Variants in LONRF3 observed in about 807,000 individuals in gnomAD.
LONRF3 encodes LON peptidase N-terminal domain and RING finger protein 3.
Under a neutral mutation model 51.7 loss-of-function variants are expected in LONRF3, and 19 were observed. The observed-to-expected ratio is 0.37, with a 90% CI of 0.26 to 0.54. The LOEUF is 0.54. Among genes scored for constraint, LONRF3 ranks in the 20% least tolerant of loss-of-function variants. LONRF3 has a pLI of 0.86. For synonymous variants in LONRF3, 265 were observed against 257.8 expected, an observed-to-expected ratio of 1.03 and a Z score of -0.27; for missense variants, 521 against 623.9, an observed-to-expected ratio of 0.84 and a Z score of 1.76.
chrX:119,005,430 G>GTA lies in LONRF3; in HGVS notation c.1416-683_1416-682dup, dbSNP rs371840341. Among the ~76,000 whole-genome samples, 255 of 111,823 alleles carry GTA rather than the reference G, an allele frequency of 2.3e-3. 3 individuals carry two copies. The highest frequency in any genetic ancestry group is 8.0e-3 in the African/African-American group (246 of 30,733). ...TAGTACCAAATTGAAGTATATGTAT[G>GTA]TATATATATGTATGTACACATGTAA... On this transcript the variant is annotated intron_variant, in intron 5 of 10. Transcript: ENST00000371628.
At chrX:119,006,313 A>C in intron 6 of LONRF3, 78 bp downstream of exon 6, 1 of 727,597 alleles carries the variant, frequency 1.4e-6, no homozygotes, top group Non-Finnish European at 2.0e-6. Flanking sequence ...GGAATTGGGC[A>C]CTAAGACAGT....
chrX:119,017,630 A>G lies in LONRF3; in HGVS notation c.2220A>G (p.Leu740=), dbSNP rs372626612. 114 of 1,209,047 alleles carry G rather than the reference A, an allele frequency of 9.4e-5. No homozygotes were observed. Among genetic ancestry groups the G allele is most frequent in the Middle Eastern group, 6.9e-4 (3 of 4,350 alleles). The change falls in exon 11 of 11, where the codon TTA becomes TTG. Residue 740 remains leucine, a synonymous_variant. Coordinates refer to ENST00000371628, the MANE Select transcript of LONRF3 (RefSeq NM_001031855.3). ...TCCCCTTCCTAGCAATGAGGTCCTTAAAGGACAGACTGAATGGTATTCGAC... is the reference window on the plus strand; with the variant it reads ...TCCCCTTCCTAGCAATGAGGTCCTTGAAGGACAGACTGAATGGTATTCGAC... The part of the protein sequence containing the change: ...AQLPFLAMRS[L]KDRLNGIRRV...
chrX:118,981,616 C>G (rs1397374724), intron 2 of LONRF3, among the ~76,000 whole-genome samples: 1 of 111,470 alleles, frequency 9.0e-6, no homozygotes, highest in African/African-American at 3.3e-5. Context: ...CTTTCCCAAA[C>G]ACCCTTGGTA....
Position 119,012,842 on chromosome X carries a change from T to A in LONRF3, c.1812-197T>A, listed in dbSNP as rs773618387. 7.3e-6 allele frequency: 8 copies of A among 1,098,693 alleles called. No homozygotes were observed. The African/African-American group carries it at 1.4e-4, about 20-fold the overall frequency. The allele number at this position is 1,098,693 out of a possible 1,213,427, so 90.5% of individuals were successfully genotyped here. A position where few individuals can be genotyped will look rare whatever the true frequency, so the allele number is the denominator to read the frequency against. On this transcript the variant is annotated intron_variant, in intron 8 of 10. Coordinates refer to ENST00000371628, the MANE Select transcript of LONRF3 (RefSeq NM_001031855.3). The stretch of plus-strand genomic sequence containing the variant: ...GTATGTGCTCAATAAATGGTAGCAG[T>A]TACACGAATACATTACGAATTTTTT...
chrX:118,979,457 C>A (rs1922385503), intron 2 of LONRF3, among the ~76,000 whole-genome samples: 1 of 111,039 alleles, frequency 9.0e-6, no homozygotes, highest in Non-Finnish European at 1.9e-5. Context: ...CCATGCCCGG[C>A]TAATTTTTTG....
In LONRF3 at chrX:119,015,237, T is replaced by A. The variant is rs183375549; in HGVS notation, c.2124+881T>A. Among the ~76,000 whole-genome samples the A allele has an allele frequency of 1.9e-3, 218 of 111,914 alleles. 1 individual carries two copies. Among genetic ancestry groups the A allele is most frequent in the African/African-American group, 6.9e-3 (211 of 30,721 alleles). ...CTTTACTTATGCTCATCCCCAACTCTGTCACAAAAGAAAAAATCTCAATAT... is the reference window on the plus strand; with the variant it reads ...CTTTACTTATGCTCATCCCCAACTCAGTCACAAAAGAAAAAATCTCAATAT... On this transcript the variant is annotated intron_variant, in intron 10 of 10. Transcript: ENST00000371628.
intron 3 of LONRF3, among the ~76,000 whole-genome samples, chrX:118,986,051 AACACACACACACACACACACACAC>A (rs35356301): frequency 8.7e-4 from 73 of 83,856 alleles, no homozygotes; most frequent in Non-Finnish European, 1.2e-3. Context: ...AGTATATGGA[AACACACACACACACACACACACAC>A]ACACACACAC....
intron 5 of LONRF3, among the ~76,000 whole-genome samples, chrX:119,003,488 T>C (rs1924477687): frequency 8.9e-6 from 1 of 112,566 alleles, no homozygotes; most frequent in Non-Finnish European, 1.9e-5. Context: ...TATTTATGTA[T>C]TGAAAATCTT....
chrX:118,979,174 G>A (rs1300195521), intron 2 of LONRF3, among the ~76,000 whole-genome samples: 1 of 108,742 alleles, frequency 9.2e-6, no homozygotes, highest in East Asian at 2.9e-4. Flanking sequence ...CTAATTTTTT[G>A]TATTTTTTTT....
At chrX:119,012,496 C>T (rs756442074) in intron 8 of LONRF3, among the ~76,000 whole-genome samples, 1 of 110,914 alleles carries the variant, frequency 9.0e-6, no homozygotes, top group East Asian at 2.8e-4. Flanking sequence ...AAATTTATTT[C>T]TCATGGTTCT....
At chrX:119,016,497 G>A (rs902313444) in intron 10 of LONRF3, among the ~76,000 whole-genome samples, 7 of 108,755 alleles carry the variant, frequency 6.4e-5, no homozygotes, top group South Asian at 8.2e-4. Context: ...ACAGAAGCCC[G>A]CCACCGCGCC....
intron 1 of LONRF3, chrX:118,976,341 G>C (rs1481093385): frequency 8.8e-6 from 1 of 114,012 alleles, no homozygotes; most frequent in Non-Finnish European, 1.9e-5. Context: ...CATCCCACGA[G>C]CATGTGCGGG....
intron 5 of LONRF3, among the ~76,000 whole-genome samples, chrX:118,995,514 AAAC>A (rs373023511): frequency 1.8e-3 from 202 of 112,426 alleles, no homozygotes; most frequent in African/African-American, 6.1e-3. Context: ...AATTAAATTG[AAAC>A]AACAACAACA....
chrX:118,997,676 C>T (rs1364890629), intron 5 of LONRF3, among the ~76,000 whole-genome samples: 1 of 112,370 alleles, frequency 8.9e-6, no homozygotes, highest in Admixed American at 9.4e-5. Flanking sequence ...GAACAGTCAG[C>T]AGAGTAAACA....
intron 3 of LONRF3, 79 bp downstream of exon 3, chrX:118,983,022 G>A: frequency 9.2e-7 from 1 of 1,091,774 alleles, no homozygotes; most frequent in Non-Finnish European, 1.2e-6. Flanking sequence ...GAGTGAGGGT[G>A]CTGTCCTCCT....
At chrX:119,015,713 CTAA>C (rs1205502716) in intron 10 of LONRF3, among the ~76,000 whole-genome samples, 2 of 112,335 alleles carry the variant, frequency 1.8e-5, no homozygotes, top group Non-Finnish European at 3.8e-5. Context: ...TTCATAAAGG[CTAA>C]TGACAGAGAA....
chrX:119,010,549 G>A (rs1168051297), intron 7 of LONRF3, among the ~76,000 whole-genome samples: 1 of 110,421 alleles, frequency 9.1e-6, no homozygotes, highest in Non-Finnish European at 1.9e-5. Flanking sequence ...TTTCTGATCT[G>A]TAAATTAGCA....
At chrX:119,015,912 A>G (rs1338060141) in intron 10 of LONRF3, among the ~76,000 whole-genome samples, 1 of 112,565 alleles carries the variant, frequency 8.9e-6, no homozygotes, top group Non-Finnish European at 1.9e-5. Context: ...AACTGCCACA[A>G]GTGTTAATAC....
chrX:119,009,743 A>C (rs575971158), intron 7 of LONRF3, among the ~76,000 whole-genome samples: 1 of 111,442 alleles, frequency 9.0e-6, no homozygotes, highest in East Asian at 2.8e-4. Flanking sequence ...GTAGCTTGAG[A>C]ATAATTTAAT....
Sources: allele counts gnomAD v4.1 joint callset (sites outside exome capture counted in the v4.1 genomes callset), GRCh38; gene constraint gnomAD v4.1.1; transcripts MANE v1.5; gene names NCBI Gene and HGNC (gene_info 2026-07-23, HGNC 2026-07-21).